Variants in ACACA observed in about 807,000 individuals in gnomAD.
ACACA encodes the protein acetyl-CoA carboxylase alpha, also known as acetyl-CoA carboxylase 1.
In ACACA, 103 loss-of-function variants were observed where a neutral mutation model predicts 296.1. That is an observed-to-expected ratio of 0.35 (90% CI 0.30 to 0.41). ACACA has a LOEUF of 0.41. ACACA is among the 10% of genes least tolerant of loss of function. The pLI is 1.00. For missense variants in ACACA, 1,554 were observed against 2,989.7 expected, an observed-to-expected ratio of 0.52 and a Z score of 11.20; for synonymous variants, 953 against 1,038.6, an observed-to-expected ratio of 0.92 and a Z score of 1.58.
intron 14 of ACACA, among the ~76,000 whole-genome samples, chr17:37,255,366 C>T (rs1480054124): frequency 1.3e-5 from 2 of 152,012 alleles, no homozygotes; most frequent in East Asian, 3.9e-4. Context: ...GAGATATAGA[C>T]CTAATGAAAT....
At chr17:37,281,491 T>C (rs2082531523) in intron 5 of ACACA, among the ~76,000 whole-genome samples, 1 of 152,188 alleles carries the variant, frequency 6.6e-6, no homozygotes, top group Non-Finnish European at 1.5e-5. Context: ...TAGAACAAGA[T>C]CACATCTTAT....
chr17:37,345,836 G>C (rs2048588649), intron 1 of ACACA, among the ~76,000 whole-genome samples: 1 of 152,090 alleles, frequency 6.6e-6, no homozygotes, highest in East Asian at 1.9e-4. Context: ...ACAGATCAGG[G>C]GAGATTAATG....
chr17:37,304,757 C>T (rs35120204), intron 3 of ACACA, among the ~76,000 whole-genome samples: 1 of 151,018 alleles, frequency 6.6e-6, no homozygotes, highest in Non-Finnish European at 1.5e-5. Context: ...CCATTGCACT[C>T]CAGCCTGGGC....
At chr17:37,253,307 G>A (rs1179559730) in intron 14 of ACACA, among the ~76,000 whole-genome samples, 1 of 152,142 alleles carries the variant, frequency 6.6e-6, no homozygotes, top group African/African-American at 2.4e-5. Context: ...CAGGAGAATG[G>A]CGTGAACCCG....
chr17:37,333,230 G>A (rs2047965648), intron 2 of ACACA, among the ~76,000 whole-genome samples: 2 of 152,184 alleles, frequency 1.3e-5, no homozygotes, highest in African/African-American at 4.8e-5. Flanking sequence ...TGGAGAGAAA[G>A]GGAATTCCTA....
chr17:37,395,708 A>T (rs2051057785), intron 1 of ACACA, among the ~76,000 whole-genome samples: 1 of 151,984 alleles, frequency 6.6e-6, no homozygotes, highest in Non-Finnish European at 1.5e-5. Flanking sequence ...ATGCTCGGCT[A>T]ATTTTTGTAT....
At chr17:37,127,911 T>C (rs2074879013) in intron 47 of ACACA, among the ~76,000 whole-genome samples, 1 of 130,192 alleles carries the variant, frequency 7.7e-6, no homozygotes, top group Non-Finnish European at 1.6e-5. Context: ...GTTCTTATCA[T>C]AATCATGGCA....
At chr17:37,104,822 G>T (rs1464693954) in intron 52 of ACACA, among the ~76,000 whole-genome samples, 1 of 151,898 alleles carries the variant, frequency 6.6e-6, no homozygotes, top group African/African-American at 2.4e-5. Flanking sequence ...ATGCCTTGTA[G>T]TCCTAGCTAC....
At chr17:37,244,380 A>T (rs1409954672) in intron 21 of ACACA, among the ~76,000 whole-genome samples, 1 of 151,910 alleles carries the variant, frequency 6.6e-6, no homozygotes, top group Non-Finnish European at 1.5e-5. Context: ...AAAAAAAAAA[A>T]GGAGTAATCA....
rs562548317 is a variant in ACACA at position 37,086,429 on chromosome 17, T to C, written c.*887A>G. 1 of 152,326 alleles carries C rather than the reference T, an allele frequency of 6.6e-6. No homozygotes were observed. Among genetic ancestry groups the C allele is most frequent in the African/African-American group, 2.4e-5 (1 of 41,546 alleles). 9.4% of individuals were successfully genotyped at this position (152,326 alleles called of 1,614,324 possible). On this transcript the variant is annotated 3_prime_UTR_variant, in exon 56 of 56. Transcript: ENST00000616317. ...CTCTCCACATGGCATAAATAACTAG[T>C]TTCCACCAGTGCAGAAAGGGCAGTT... is the stretch of plus-strand genomic sequence containing the variant.
At chr17:37,096,011 A>G (rs1368038892) in intron 54 of ACACA, among the ~76,000 whole-genome samples, 1 of 152,134 alleles carries the variant, frequency 6.6e-6, no homozygotes, top group Non-Finnish European at 1.5e-5. Context: ...GATCACCCCA[A>G]GAAAATGCCA....
intron 52 of ACACA, among the ~76,000 whole-genome samples, chr17:37,108,986 ATT>A: frequency 6.6e-6 from 1 of 152,204 alleles, no homozygotes; most frequent in East Asian, 1.9e-4. Context: ...TCTGATGTAC[ATT>A]TATTTATTTT....
At chr17:37,147,949 C>T (rs770844693) in intron 45 of ACACA, among the ~76,000 whole-genome samples, 2 of 151,858 alleles carry the variant, frequency 1.3e-5, no homozygotes, top group Non-Finnish European at 2.9e-5. Context: ...CAAAACAAAA[C>T]CAAAAACCCA....
At chr17:37,241,165 A>C (rs955735119) in intron 23 of ACACA, among the ~76,000 whole-genome samples, 1 of 152,140 alleles carries the variant, frequency 6.6e-6, no homozygotes, top group Non-Finnish European at 1.5e-5. Flanking sequence ...ACTGTACTAC[A>C]ACCTGGATGA....
chr17:37,309,386 A>T (rs2084028376), intron 3 of ACACA, among the ~76,000 whole-genome samples: 1 of 152,202 alleles, frequency 6.6e-6, no homozygotes, highest in Non-Finnish European at 1.5e-5. Context: ...ATACAGCTAT[A>T]AACAAAATAT....
intron 25 of ACACA, among the ~76,000 whole-genome samples, chr17:37,232,560 T>G (rs2079911653): frequency 6.6e-6 from 1 of 152,140 alleles, no homozygotes; most frequent in African/African-American, 2.4e-5. Flanking sequence ...GGAAGACATG[T>G]CTGGCATTCA....
intron 35 of ACACA, 45 bp from the exon 36 acceptor site, chr17:37,193,460 T>C (rs1343987992): frequency 1.4e-6 from 2 of 1,429,768 alleles, no homozygotes; most frequent in South Asian, 2.3e-5. Context: ...TTCATAGACA[T>C]GGCTCTTTGA....
intron 41 of ACACA, among the ~76,000 whole-genome samples, chr17:37,176,447 C>T (rs556572419): frequency 2.6e-4 from 39 of 152,296 alleles, no homozygotes; most frequent in African/African-American, 9.4e-4. Flanking sequence ...TTTCTCAAGG[C>T]TCTGTCCAGA....
intron 1 of ACACA, among the ~76,000 whole-genome samples, chr17:37,343,515 C>T (rs2048478315): frequency 6.6e-6 from 1 of 151,692 alleles, no homozygotes; most frequent in African/African-American, 2.4e-5. Flanking sequence ...GCCTGTAATC[C>T]CAGCACTTTG....
Sources: gnomAD v4.1 joint callset for allele counts (sites outside exome capture counted in the v4.1 genomes callset) on GRCh38, gnomAD v4.1.1 for gene constraint, MANE v1.5 for transcripts, NCBI Gene and HGNC (gene_info 2026-07-23, HGNC 2026-07-21) for gene names.